TPCN2: variants seen among roughly 807,000 people sequenced by gnomAD.
The protein encoded by TPCN2 is two pore channel protein 2.
TPCN2 carries 92 observed loss-of-function variants against 111.4 expected under a neutral mutation model. The observed-to-expected ratio is 0.83, with a 90% CI of 0.70 to 0.98. The LOEUF is 0.98. Ranked by LOEUF, TPCN2 falls within the 50% of genes least tolerant of loss-of-function variation. The pLI, the probability that TPCN2 is intolerant of heterozygous loss-of-function variation, is 0.00. For synonymous variants in TPCN2, 405 were observed against 414.5 expected, an observed-to-expected ratio of 0.98 and a Z score of 0.28; for missense variants, 995 against 980.1, an observed-to-expected ratio of 1.02 and a Z score of -0.20.
At position 69,055,289 on chromosome 11, in the gene TPCN2, C is replaced by A; in HGVS notation, c.366C>A (p.Cys122Ter). 6.2e-7 allele frequency: 1 copy of A among 1,613,828 alleles called. No homozygotes were observed. The highest frequency in any genetic ancestry group is 8.5e-7 in the Non-Finnish European group (1 of 1,179,926). Residue 122 changes from cysteine to a stop codon, truncating the protein, a stop_gained, in exon 4 of 25, where the codon TGC becomes TGA. Transcript: ENST00000294309. LOFTEE classifies it high-confidence loss of function. ...RYRAAPWEPP[C>*]GLTESVEVLC... The stretch of plus-strand genomic sequence containing the variant: ...GCGCTGCTCCCTGGGAGCCGCCCTG[C>A]GGCCTGACCGAGAGTGTCGAGGTGC...
chr11:69,085,444 A>G (rs1176900401), intron 20 of TPCN2, among the ~76,000 whole-genome samples, 158 bp downstream of exon 20: 2 of 150,924 alleles, frequency 1.3e-5, no homozygotes, highest in Non-Finnish European at 3.0e-5. Context: ...CCGACCCCCA[A>G]TTTCCACCTC....
intron 6 of TPCN2, among the ~76,000 whole-genome samples, 166 bp downstream of exon 6, chr11:69,063,156 C>G (rs917840900): frequency 6.6e-6 from 1 of 151,852 alleles, no homozygotes; most frequent in African/African-American, 2.4e-5. Context: ...CTTTTGGGGT[C>G]TCTTTGGTTC....
intron 1 of TPCN2, among the ~76,000 whole-genome samples, chr11:69,053,734 C>T (rs1266452325): frequency 6.6e-6 from 1 of 152,174 alleles, no homozygotes; most frequent in Non-Finnish European, 1.5e-5. Flanking sequence ...GCTCTGAACC[C>T]CGACGCTGGT....
intron 1 of TPCN2, among the ~76,000 whole-genome samples, chr11:69,050,463 C>T (rs1431959681): frequency 6.6e-6 from 1 of 152,218 alleles, no homozygotes; most frequent in African/African-American, 2.4e-5. Context: ...GCAGCCTCTA[C>T]CTCTGCTGGG....
At chr11:69,049,196 G>A in intron 1 of TPCN2, 90 bp downstream of exon 1, 4 of 891,696 alleles carry the variant, frequency 4.5e-6, no homozygotes, top group African/African-American at 3.5e-5. Context: ...GCTTTCTGCC[G>A]GGCGCGCCCC....
intron 13 of TPCN2, among the ~76,000 whole-genome samples, chr11:69,077,014 C>T (rs1590740815): frequency 1.4e-4 from 10 of 69,480 alleles, no homozygotes; most frequent in Admixed American, 2.6e-4. Flanking sequence ...GTCCCTCCAC[C>T]TGCCCTCCTG....
At position 69,057,838 on chromosome 11, in the gene TPCN2, C is replaced by T. The variant is rs557129388; in HGVS notation, c.546+144C>T. On this transcript the variant is annotated intron_variant, in intron 5 of 24. Coordinates refer to ENST00000294309, the MANE Select transcript of TPCN2 (RefSeq NM_139075.4). ...GCACTGCCCACCTCCCATGGCACTT[C>T]CTTCACTTGTTGGCTGGGGATCCTT... 7.1e-6 allele frequency: 5 copies of T among 702,412 alleles called. No individual in the cohort carries two copies. In the African/African-American group the frequency reaches 8.8e-5, roughly 12 times the overall value. The allele number at this position is 702,412 out of a possible 1,614,324, so 43.5% of individuals were successfully genotyped here.
At chr11:69,050,957 T>C (rs1861200736) in intron 1 of TPCN2, among the ~76,000 whole-genome samples, 1 of 152,202 alleles carries the variant, frequency 6.6e-6, no homozygotes, top group African/African-American at 2.4e-5. Context: ...TCTGAGAACG[T>C]GGACAGGACG....
chr11:69,078,528 A>G lies in TPCN2; in HGVS notation c.1277A>G (p.Gln426Arg), dbSNP rs1342517927. The change falls in exon 14 of 25, where the codon CAG becomes CGG. Residue 426 changes from glutamine to arginine, a missense_variant. Transcript: ENST00000294309. ...CAGTCTCCGTTTCTGCAGAGCGCCCAGTTCCTCTTCGGCCACTACTACTTT... is the reference window on the plus strand; with the variant it reads ...CAGTCTCCGTTTCTGCAGAGCGCCCGGTTCCTCTTCGGCCACTACTACTTT... ...EYQSPFLQSA[Q>R]FLFGHYYFDY... The G allele has an allele frequency of 6.2e-7, 1 of 1,614,098 alleles. No individual in the cohort carries two copies. Among genetic ancestry groups the G allele is most frequent in the Non-Finnish European group, 8.5e-7 (1 of 1,180,022 alleles).
At chr11:69,082,331 CACACAATCACAGGCACACATGATCAT>C (rs1405754253) in intron 18 of TPCN2, among the ~76,000 whole-genome samples, 9 of 152,258 alleles carry the variant, frequency 5.9e-5, no homozygotes, top group Non-Finnish European at 1.3e-4. Context: ...TGCATATACA[CACACAATCACAGGCACACATGATCAT>C]ACACAGTCAC....
At chr11:69,067,374 TG>T in intron 7 of TPCN2, 128 bp from the exon 8 acceptor site, 1 of 823,342 alleles carries the variant, frequency 1.2e-6, no homozygotes, top group Non-Finnish European at 2.0e-6. Context: ...CTCAGCCTGC[TG>T]GGAGGCCACA....
At chr11:69,081,531 C>T in intron 18 of TPCN2, 32 bp downstream of exon 18, 3 of 1,483,588 alleles carry the variant, frequency 2.0e-6, no homozygotes, top group Non-Finnish European at 2.7e-6. Flanking sequence ...ACTCGCCCCA[C>T]CCTCCTGGGT....
At chr11:69,076,976 C>T (rs1385891742) in intron 13 of TPCN2, among the ~76,000 whole-genome samples, 5 of 105,148 alleles carry the variant, frequency 4.8e-5, no homozygotes, top group Non-Finnish European at 9.7e-5. Context: ...GCCCTCCTGC[C>T]ATGTCCCTCC....
At chr11:69,072,848 G>A in intron 12 of TPCN2, 67 bp from the exon 13 acceptor site, 1 of 1,525,076 alleles carries the variant, frequency 6.6e-7, no homozygotes, top group South Asian at 1.1e-5. Context: ...TGGGGCTGGG[G>A]GCGCTCACCT....
At chr11:69,055,923 A>G (rs1380398204) in intron 4 of TPCN2, among the ~76,000 whole-genome samples, 2 of 152,174 alleles carry the variant, frequency 1.3e-5, no homozygotes, top group Admixed American at 1.3e-4. Flanking sequence ...GTGGGGCAGA[A>G]AGGGGTTTCT....
intron 4 of TPCN2, 119 bp from the exon 5 acceptor site, chr11:69,057,459 C>A (rs1309315174): frequency 3.2e-6 from 3 of 938,238 alleles, no homozygotes; most frequent in African/African-American, 1.6e-5. Context: ...GGGGACCACA[C>A]TGTTGTGGAG....
intron 17 of TPCN2, among the ~76,000 whole-genome samples, chr11:69,080,416 C>T (rs1041004756): frequency 5.4e-4 from 83 of 152,340 alleles, no homozygotes; most frequent in Middle Eastern, 6.8e-3. Context: ...CACCACTGCC[C>T]GGGGTTCTGG....
intron 1 of TPCN2, among the ~76,000 whole-genome samples, chr11:69,053,003 C>G (rs949927160): frequency 6.6e-6 from 1 of 152,372 alleles, no homozygotes; most frequent in Middle Eastern, 3.4e-3. Flanking sequence ...GCAGCGAGGC[C>G]AGAGGTGGCC....
intron 2 of TPCN2, chr11:69,054,495 C>CA (rs963996054): frequency 3.4e-6 from 2 of 582,936 alleles, no homozygotes; most frequent in African/African-American, 3.7e-5. Context: ...CTCACGCACC[C>CA]ACCCACCCCG....
Sources: gnomAD v4.1 joint callset for allele counts (sites outside exome capture counted in the v4.1 genomes callset) on GRCh38, gnomAD v4.1.1 for gene constraint, MANE v1.5 for transcripts, NCBI Gene and HGNC (gene_info 2026-07-23, HGNC 2026-07-21) for gene names.